OPCML: variants seen among roughly 807,000 people sequenced by gnomAD.
The protein encoded by OPCML is opioid-binding protein/cell adhesion molecule.
Under a neutral mutation model 37.8 loss-of-function variants are expected in OPCML, and 13 were observed. The ratio of observed to expected loss-of-function variants is 0.34; its 90% CI spans 0.22 to 0.55. OPCML has a LOEUF of 0.55. Ranked by LOEUF, OPCML falls within the 20% of genes least tolerant of loss-of-function variation. The pLI is 0.91. For synonymous variants in OPCML, 176 were observed against 168.8 expected (o/e 1.04, Z -0.33); for missense variants, 341 against 435.6 (o/e 0.78, Z 1.93).
intron 3 of OPCML, among the ~76,000 whole-genome samples, chr11:132,529,550 AAG>A (rs1249024335): frequency 1.3e-5 from 2 of 152,194 alleles, no homozygotes; most frequent in Non-Finnish European, 2.9e-5. Context: ...TCAGTGGCAT[AAG>A]CTGATAACCA....
At chr11:132,916,993 T>C (rs1591798804) in intron 2 of OPCML, among the ~76,000 whole-genome samples, 1 of 152,178 alleles carries the variant, frequency 6.6e-6, no homozygotes, top group African/African-American at 2.4e-5. Context: ...AGAGTTTGTT[T>C]TGCAGACACT....
intron 1 of OPCML, among the ~76,000 whole-genome samples, chr11:133,187,319 G>C (rs1270481291): frequency 6.6e-6 from 1 of 151,902 alleles, no homozygotes; most frequent in Non-Finnish European, 1.5e-5. Flanking sequence ...TCTCTTCAAA[G>C]TTGCCTCTGC....
chr11:132,542,725 G>A (rs2137379190), intron 3 of OPCML, among the ~76,000 whole-genome samples: 1 of 152,290 alleles, frequency 6.6e-6, no homozygotes, highest in Non-Finnish European at 1.5e-5. Context: ...GGGGCCCAGG[G>A]GGTGTCTCAA....
intron 2 of OPCML, among the ~76,000 whole-genome samples, chr11:132,730,163 C>T (rs562360771): frequency 6.6e-5 from 10 of 151,900 alleles, no homozygotes; most frequent in Non-Finnish European, 1.5e-4. Context: ...CAGGCACCCG[C>T]CACCACACCT....
chr11:133,272,790 T>A (rs1432298628), intron 1 of OPCML, among the ~76,000 whole-genome samples: 1 of 152,194 alleles, frequency 6.6e-6, no homozygotes, highest in South Asian at 2.1e-4. Context: ...TTAAGGAACA[T>A]CTCTTTGAGA....
chr11:132,659,988 G>A (rs1565754678), intron 2 of OPCML, among the ~76,000 whole-genome samples: 1 of 152,058 alleles, frequency 6.6e-6, no homozygotes, highest in East Asian at 1.9e-4. Flanking sequence ...TATGTCCTAT[G>A]ACCATAAAAC....
rs901197028 is a variant in OPCML, at chr11:133,205,371, G to C, written c.62-262361C>G. Among the ~76,000 whole-genome samples, 2 of 152,120 alleles carry C rather than the reference G, an allele frequency of 1.3e-5. No homozygotes were observed. The highest frequency in any genetic ancestry group is 2.4e-5 in the African/African-American group (1 of 41,416). On this transcript the variant is annotated intron_variant, in intron 1 of 7. Coordinates refer to ENST00000524381, the MANE Select transcript of OPCML (RefSeq NM_001012393.5). The surrounding 1 kb of genome is among the most constrained non-coding windows in gnomAD (Gnocchi z 4.8). ...CCCCTGTATCCTCTATTGATACACA[G>C]GCAAGTGTATGTAAAGTGTTTCCCT... is the stretch of plus-strand genomic sequence containing the variant.
intron 2 of OPCML, among the ~76,000 whole-genome samples, chr11:132,701,683 A>G (rs1372074321): frequency 1.3e-5 from 2 of 150,376 alleles, no homozygotes; most frequent in Non-Finnish European, 3.0e-5. Flanking sequence ...TTCTGGTGTC[A>G]TTTTGTTGTT....
At chr11:132,782,082 T>C (rs545956287) in intron 2 of OPCML, among the ~76,000 whole-genome samples, 84 of 151,756 alleles carry the variant, frequency 5.5e-4, no homozygotes, top group Non-Finnish European at 6.8e-4. Context: ...TCTGAGTCTC[T>C]GCAAATGTTT....
chr11:133,458,570 T>A, intron 1 of OPCML, among the ~76,000 whole-genome samples: 1 of 110,540 alleles, frequency 9.0e-6, no homozygotes, highest in East Asian at 2.4e-4. Flanking sequence ...TACACATATA[T>A]ACACGTGTGT....
At chr11:132,984,899 T>G (rs551604851) in intron 1 of OPCML, among the ~76,000 whole-genome samples, 1 of 152,214 alleles carries the variant, frequency 6.6e-6, no homozygotes. Flanking sequence ...GGTGTATCCA[T>G]GATTAACAAA....
intron 2 of OPCML, among the ~76,000 whole-genome samples, chr11:132,708,482 G>T (rs1474002783): frequency 6.6e-6 from 1 of 152,160 alleles, no homozygotes; most frequent in Non-Finnish European, 1.5e-5. Flanking sequence ...ATTTGGGATG[G>T]AAGAACAATC....
intron 1 of OPCML, among the ~76,000 whole-genome samples, chr11:133,102,646 A>T (rs555504478): frequency 1.8e-4 from 27 of 152,262 alleles, no homozygotes; most frequent in African/African-American, 6.3e-4. Flanking sequence ...GCTACTCAGG[A>T]GGCTGAGGCA....
chr11:132,692,915 C>T (rs1007411394), intron 2 of OPCML, among the ~76,000 whole-genome samples: 2 of 152,180 alleles, frequency 1.3e-5, no homozygotes, highest in Admixed American at 6.5e-5. Flanking sequence ...GCACAATTTT[C>T]CTAAAGCAGA....
At chr11:133,359,143 T>C (rs1483778818) in intron 1 of OPCML, among the ~76,000 whole-genome samples, 1 of 152,218 alleles carries the variant, frequency 6.6e-6, no homozygotes, top group Non-Finnish European at 1.5e-5. Context: ...AGTGTTTGAT[T>C]CGCTTGCTAT....
At chr11:133,483,701 T>C (rs1171611019) in intron 1 of OPCML, among the ~76,000 whole-genome samples, 3 of 147,574 alleles carry the variant, frequency 2.0e-5, no homozygotes, top group Admixed American at 6.6e-5. Flanking sequence ...GATAGATAGA[T>C]AGATAGATAG....
chr11:133,382,390 T>C (rs1007715987), intron 1 of OPCML, among the ~76,000 whole-genome samples: 1 of 152,182 alleles, frequency 6.6e-6, no homozygotes, highest in East Asian at 1.9e-4. Flanking sequence ...TCGTGAGCGA[T>C]TGGAGAAGGA....
intron 1 of OPCML, chr11:133,025,105 A>G (rs1947527005): frequency 1.4e-6 from 1 of 734,452 alleles, no homozygotes; most frequent in South Asian, 6.2e-5. Flanking sequence ...ATTTTCCTTC[A>G]TAGGGAGGAA....
At chr11:133,048,066 T>A (rs960414709) in intron 1 of OPCML, among the ~76,000 whole-genome samples, 1 of 152,072 alleles carries the variant, frequency 6.6e-6, no homozygotes, top group Non-Finnish European at 1.5e-5. Flanking sequence ...TCATCGGGCT[T>A]GAGGAATCGG....
Sources: allele counts gnomAD v4.1 joint callset (sites outside exome capture counted in the v4.1 genomes callset), GRCh38; gene constraint gnomAD v4.1.1; non-coding constraint Gnocchi (gnomAD v3.1); transcripts MANE v1.5; gene names NCBI Gene and HGNC (gene_info 2026-07-23, HGNC 2026-07-21).